DNAJC15: variants seen among roughly 807,000 people sequenced by gnomAD.
DNAJC15 encodes dnaJ homolog subfamily C member 15.
A neutral mutation model predicts 22.4 loss-of-function variants in DNAJC15; 27 were observed. The ratio of observed to expected loss-of-function variants is 1.20; its 90% CI spans 0.89 to 1.66. DNAJC15 has a LOEUF of 1.66. Ranked by LOEUF, DNAJC15 falls within the 40% of genes most tolerant of loss-of-function variation. The pLI is 0.00. For missense variants in DNAJC15, 208 were observed against 187.1 expected (o/e 1.11, Z -0.65); for synonymous variants, 79 against 63.2 (o/e 1.25, Z -1.19).
In DNAJC15 at chr13:43,052,025, C is replaced by T. The variant is rs376809431; in HGVS notation, c.109-13661C>T. On this transcript the variant is annotated intron_variant, in intron 1 of 5. Transcript: ENST00000379221. ...TGTTGCCCAGGCTGGAGTGCAGTGG[C>T]GTGATCTCGGCTCACTGCAACCTCT... Among the ~76,000 whole-genome samples the T allele has an allele frequency of 3.2e-4, 48 of 151,516 alleles. No individual in the cohort carries two copies. In the East Asian group the frequency reaches 8.4e-3, roughly 27 times the overall value.
At chr13:43,069,504 TTATTA>T (rs2040599126) in intron 3 of DNAJC15, among the ~76,000 whole-genome samples, 3 of 152,318 alleles carry the variant, frequency 2.0e-5, no homozygotes, top group Non-Finnish European at 4.4e-5. Context: ...CCTGTAGAAC[TTATTA>T]TACATTTTTG....
rs368050166 is a variant in DNAJC15, at chr13:43,035,589, G to A, written c.108+11855G>A. Among the ~76,000 whole-genome samples, 167 of 152,300 alleles carry A rather than the reference G, an allele frequency of 1.1e-3. 5 individuals are homozygous for A. The South Asian group carries it at 0.033, about 30-fold the overall frequency. On this transcript the variant is annotated intron_variant, in intron 1 of 5. Coordinates refer to ENST00000379221, the MANE Select transcript of DNAJC15 (RefSeq NM_013238.3). ...CCAAATAATGCCTAGCTGCAGTGATGTTAAAGTTTAATTCAAGGACTTCAT... is the reference window on the plus strand; with the variant it reads ...CCAAATAATGCCTAGCTGCAGTGATATTAAAGTTTAATTCAAGGACTTCAT...
chr13:43,051,555 A>T (rs2040503134), intron 1 of DNAJC15, among the ~76,000 whole-genome samples: 1 of 152,172 alleles, frequency 6.6e-6, no homozygotes, highest in South Asian at 2.1e-4. Context: ...TACTTCGCTT[A>T]GAATAATGGT....
chr13:43,059,297 C>T (rs1280385716), intron 1 of DNAJC15, among the ~76,000 whole-genome samples: 1 of 152,132 alleles, frequency 6.6e-6, no homozygotes, highest in Admixed American at 6.5e-5. Context: ...ATATATGTGA[C>T]AGAACTTCTG....
At position 43,032,018 on chromosome 13, in the gene DNAJC15, G is replaced by A. The variant is rs191332827; in HGVS notation, c.108+8284G>A. ...AGGAACCACTAGCACTCCTAGAGCT[G>A]TAGGGCCAAAGGGAGGAGTTGGTGT... On this transcript the variant is annotated intron_variant, in intron 1 of 5. Coordinates refer to ENST00000379221, the MANE Select transcript of DNAJC15 (RefSeq NM_013238.3). Among the ~76,000 whole-genome samples the A allele has an allele frequency of 3.9e-3, 596 of 152,350 alleles. 4 individuals are homozygous for A. Among genetic ancestry groups the A allele is most frequent in the African/African-American group, 0.013 (558 of 41,574 alleles).
At chr13:43,090,176 A>C (rs1030954317) in intron 5 of DNAJC15, among the ~76,000 whole-genome samples, 1 of 152,224 alleles carries the variant, frequency 6.6e-6, no homozygotes, top group African/African-American at 2.4e-5. Flanking sequence ...CATAAGCAGC[A>C]AGCTTTTATA....
intron 5 of DNAJC15, among the ~76,000 whole-genome samples, chr13:43,094,611 C>CT (rs1400479292): frequency 6.6e-6 from 1 of 152,088 alleles, no homozygotes; most frequent in Non-Finnish European, 1.5e-5. Flanking sequence ...AAGCTTCTTG[C>CT]TTTTTTCAGA....
intron 5 of DNAJC15, among the ~76,000 whole-genome samples, chr13:43,103,827 T>C (rs935673045): frequency 1.3e-5 from 2 of 152,220 alleles, no homozygotes; most frequent in Admixed American, 6.5e-5. Context: ...TTATTAGGTA[T>C]ATTCAGATTT....
In DNAJC15 at chr13:43,112,226, TTAAG is replaced by T. The variant is rs899818368; in HGVS notation, c.*4982_*4985del. 6.6e-5 allele frequency: 10 copies of T among 152,256 alleles called. No homozygotes were observed. Among genetic ancestry groups the T allele is most frequent in the African/African-American group, 1.9e-4 (8 of 41,468 alleles). The allele number at this position is 152,256 out of a possible 1,614,324, so 9.4% of individuals were successfully genotyped here. A position where few individuals can be genotyped will look rare whatever the true frequency, so the allele number is the denominator to read the frequency against. On this transcript the variant is annotated 3_prime_UTR_variant, in exon 6 of 6. Transcript: ENST00000379221. ...CCTGCTCAATTGAAATGCAAGTTCA[TTAAG>T]TAATCTTCATTTCTCTTCCTGCCAT...
At chr13:43,067,896 G>A (rs2040591225) in intron 2 of DNAJC15, among the ~76,000 whole-genome samples, 1 of 152,064 alleles carries the variant, frequency 6.6e-6, no homozygotes, top group Non-Finnish European at 1.5e-5. Context: ...GGCAAGTTAG[G>A]GAATCAGCCT....
intron 5 of DNAJC15, among the ~76,000 whole-genome samples, chr13:43,097,319 A>G (rs80149683): frequency 0.013 from 2,054 of 152,274 alleles, 44 homozygotes; most frequent in African/African-American, 0.044. Flanking sequence ...ACGAGAACAT[A>G]TGGTTTGTTT....
At chr13:43,057,467 T>C (rs1181087359) in intron 1 of DNAJC15, among the ~76,000 whole-genome samples, 1 of 152,204 alleles carries the variant, frequency 6.6e-6, no homozygotes, top group Non-Finnish European at 1.5e-5. Context: ...TTTTTCTTTA[T>C]GGTATCTATT....
Position 43,108,252 on chromosome 13 carries a change from TGA to T in DNAJC15, c.*1007_*1008del, listed in dbSNP as rs1382752565. 1 of 152,204 alleles carries T rather than the reference TGA, an allele frequency of 6.6e-6. No homozygotes were observed. The highest frequency in any genetic ancestry group is 2.4e-5 in the African/African-American group (1 of 41,454). 9.4% of individuals were successfully genotyped at this position (152,204 alleles called of 1,614,324 possible). A position where few individuals can be genotyped will look rare whatever the true frequency, so the allele number is the denominator to read the frequency against. ...ATGATTGGTGAGGTAAGTGTTATTC[TGA>T]GATGAGAATTAGCAGAAATAGATAT... On this transcript the variant is annotated 3_prime_UTR_variant, in exon 6 of 6. Transcript: ENST00000379221.
chr13:43,095,369 G>GT (rs2040734681), intron 5 of DNAJC15, among the ~76,000 whole-genome samples: 1 of 152,188 alleles, frequency 6.6e-6, no homozygotes, highest in South Asian at 2.1e-4. Context: ...ATGATCTAGA[G>GT]TGGACAGGTG....
chr13:43,075,419 G>C (rs894719269), intron 3 of DNAJC15, among the ~76,000 whole-genome samples: 1 of 152,012 alleles, frequency 6.6e-6, no homozygotes, highest in African/African-American at 2.4e-5. Flanking sequence ...TTATTATGCT[G>C]GCTCCAAATT....
At position 43,066,274 on chromosome 13, in the gene DNAJC15, G is replaced by A. The variant is rs79716485; in HGVS notation, c.160+537G>A. The stretch of plus-strand genomic sequence containing the variant: ...CTTTTTTTTTTCTTTTTTTTGGAAT[G>A]GGCAAGACTGTGCCCCTTCCAGAGG... On this transcript the variant is annotated intron_variant, in intron 2 of 5. Coordinates refer to ENST00000379221, the MANE Select transcript of DNAJC15 (RefSeq NM_013238.3). Among the ~76,000 whole-genome samples the A allele has an allele frequency of 2.6e-4, 39 of 150,358 alleles. No individual in the cohort carries two copies. The East Asian group carries it at 7.6e-3, about 29-fold the overall frequency.
chr13:43,023,828 C>G, intron 1 of DNAJC15, 94 bp downstream of exon 1: 2 of 1,183,864 alleles, frequency 1.7e-6, no homozygotes, highest in South Asian at 1.4e-5. Context: ...CTTTGTACTC[C>G]CCCGCATTCG....
At chr13:43,064,293 G>A (rs975895169) in intron 1 of DNAJC15, among the ~76,000 whole-genome samples, 16 of 152,190 alleles carry the variant, frequency 1.1e-4, no homozygotes, top group African/African-American at 3.6e-4. Context: ...TCTCATTATA[G>A]AGTCATTCCT....
intron 1 of DNAJC15, among the ~76,000 whole-genome samples, chr13:43,040,191 A>G (rs1276896589): frequency 1.3e-5 from 2 of 152,218 alleles, no homozygotes; most frequent in African/African-American, 4.8e-5. Context: ...AACAGTTCTC[A>G]GAAGTTGCAT....
Sources: gnomAD v4.1 joint callset for allele counts (sites outside exome capture counted in the v4.1 genomes callset) on GRCh38, gnomAD v4.1.1 for gene constraint, MANE v1.5 for transcripts, NCBI Gene and HGNC (gene_info 2026-07-23, HGNC 2026-07-21) for gene names.